The following NELL1 variants were observed in gnomAD, a reference collection of about 807,000 sequenced individuals.
NELL1 encodes protein kinase C-binding protein NELL1.
A neutral mutation model predicts 107.4 loss-of-function variants in NELL1; 76 were observed. The observed-to-expected ratio is 0.71, with a 90% confidence interval of 0.59 to 0.86. The LOEUF (loss-of-function observed/expected upper bound fraction) is 0.86. Among genes scored for constraint, NELL1 ranks in the 40% least tolerant of loss-of-function variants. NELL1 has a pLI of 0.00. For synonymous variants in NELL1, 353 were observed against 341.2 expected (o/e 1.03, Z -0.38); for missense variants, 1,024 against 1,005.5 (o/e 1.02, Z -0.25).
At chr11:21,151,286 T>C (rs562870600) in intron 13 of NELL1, among the ~76,000 whole-genome samples, 6 of 152,340 alleles carry the variant, frequency 3.9e-5, no homozygotes, top group Admixed American at 3.3e-4. Context: ...CATTTCTGCA[T>C]GTCTTTGGTT....
At chr11:21,441,278 T>A (rs1853275100) in intron 15 of NELL1, among the ~76,000 whole-genome samples, 1 of 151,962 alleles carries the variant, frequency 6.6e-6, no homozygotes, top group Non-Finnish European at 1.5e-5. Context: ...ATTTATAATA[T>A]TTTTTCAGGA....
chr11:21,127,926 C>A (rs757465762), intron 13 of NELL1, among the ~76,000 whole-genome samples: 1 of 152,060 alleles, frequency 6.6e-6, no homozygotes, highest in African/African-American at 2.4e-5. Flanking sequence ...ATCCAGTTGC[C>A]TCTCTGTCTT....
chr11:21,370,227 C>T (rs527925110), intron 14 of NELL1, among the ~76,000 whole-genome samples: 1 of 152,008 alleles, frequency 6.6e-6, no homozygotes, highest in South Asian at 2.1e-4. Context: ...AAATCCATAC[C>T]CTTGGGACCA....
At chr11:21,332,103 T>A (rs1850285210) in intron 14 of NELL1, among the ~76,000 whole-genome samples, 1 of 152,110 alleles carries the variant, frequency 6.6e-6, no homozygotes, top group African/African-American at 2.4e-5. Context: ...AACTGGACTC[T>A]CAGCTCTTAC....
chr11:21,283,763 G>A (rs1849048516), intron 14 of NELL1: 1 of 186,008 alleles, frequency 5.4e-6, no homozygotes, highest in Non-Finnish European at 1.1e-5. Context: ...CAATTGAATA[G>A]ATCTCAACTT....
chr11:21,471,186 CAT>C (rs796089830), intron 15 of NELL1, among the ~76,000 whole-genome samples: 6 of 152,008 alleles, frequency 3.9e-5, no homozygotes, highest in African/African-American at 1.4e-4. Flanking sequence ...ATACATGAAT[CAT>C]ATTGTTTTCC....
chr11:21,398,967 G>T (rs1383014565), intron 15 of NELL1, among the ~76,000 whole-genome samples: 2 of 151,488 alleles, frequency 1.3e-5, no homozygotes, highest in Non-Finnish European at 2.9e-5. Context: ...GGCAGTTAGT[G>T]ACAGTACTCA....
intron 14 of NELL1, among the ~76,000 whole-genome samples, chr11:21,359,500 G>A (rs1851022774): frequency 6.6e-6 from 1 of 152,116 alleles, no homozygotes; most frequent in Non-Finnish European, 1.5e-5. Context: ...TTTGGAATTA[G>A]GGTAATACTG....
intron 2 of NELL1, among the ~76,000 whole-genome samples, chr11:20,752,643 A>T (rs752376415): frequency 4.6e-5 from 7 of 152,220 alleles, no homozygotes; most frequent in Non-Finnish European, 8.8e-5. Context: ...CACCAACTCT[A>T]GTTCAAGTCA....
intron 13 of NELL1, among the ~76,000 whole-genome samples, chr11:21,217,094 T>A (rs189997397): frequency 1.3e-5 from 2 of 152,234 alleles, no homozygotes; most frequent in East Asian, 3.9e-4. Context: ...TCCCACGAGA[T>A]CTGATGGTTT....
intron 14 of NELL1, among the ~76,000 whole-genome samples, chr11:21,299,531 G>A (rs371172984): frequency 3.3e-5 from 3 of 89,982 alleles, no homozygotes; most frequent in Admixed American, 1.3e-4. Flanking sequence ...GTGTGTGTGT[G>A]TGTGTGTGTG....
chr11:20,785,140 AT>A (rs1856928912), intron 3 of NELL1, among the ~76,000 whole-genome samples: 1 of 152,168 alleles, frequency 6.6e-6, no homozygotes, highest in Non-Finnish European at 1.5e-5. Flanking sequence ...GAGAAATGCA[AT>A]TTTGGGAGTG....
intron 2 of NELL1, among the ~76,000 whole-genome samples, chr11:20,705,020 A>G (rs1431658101): frequency 6.6e-6 from 1 of 152,196 alleles, no homozygotes; most frequent in Non-Finnish European, 1.5e-5. Context: ...AGAGGATACA[A>G]ACAAATGGAA....
chr11:20,718,863 A>G (rs1855313702), intron 2 of NELL1, among the ~76,000 whole-genome samples: 1 of 152,154 alleles, frequency 6.6e-6, no homozygotes, highest in Admixed American at 6.5e-5. Flanking sequence ...CATTCCATAT[A>G]GGCTGGATTG....
intron 7 of NELL1, among the ~76,000 whole-genome samples, chr11:20,920,695 T>A (rs1231018996): frequency 6.6e-6 from 1 of 152,112 alleles, no homozygotes; most frequent in African/African-American, 2.4e-5. Context: ...CTCAGGTGAT[T>A]GTGGTTCTTC....
chr11:20,975,890 A>G lies in NELL1; in HGVS notation c.1300+15330A>G, dbSNP rs564372752. 3.9e-3 allele frequency among the ~76,000 whole-genome samples: 452 copies of G among 114,558 alleles called. 8 individuals are homozygous for G. Among genetic ancestry groups the G allele is most frequent in the African/African-American group, 0.015 (420 of 27,750 alleles). The allele number at this position is 114,558 out of a possible 152,430, so 75.2% of individuals were successfully genotyped here. The stretch of plus-strand genomic sequence containing the variant: ...TTATATATACACATACATGTGTATT[A>G]TATATACATATATGTGTATTATATA... On this transcript the variant is annotated intron_variant, in intron 12 of 19. Transcript: ENST00000357134.
chr11:21,230,987 A>G (rs1858034118), intron 14 of NELL1, among the ~76,000 whole-genome samples: 1 of 152,214 alleles, frequency 6.6e-6, no homozygotes, highest in Non-Finnish European at 1.5e-5. Flanking sequence ...AAAACTGGAA[A>G]CAACCAAAAT....
At chr11:21,401,096 A>G (rs769646224) in intron 15 of NELL1, among the ~76,000 whole-genome samples, 6 of 152,040 alleles carry the variant, frequency 3.9e-5, no homozygotes, top group Non-Finnish European at 7.4e-5. Flanking sequence ...TTGCTACTTT[A>G]AATTATACAA....
chr11:20,916,244 A>G (rs138208575), intron 5 of NELL1, among the ~76,000 whole-genome samples: 79 of 152,044 alleles, frequency 5.2e-4, no homozygotes, highest in African/African-American at 7.5e-4. Flanking sequence ...CTAATGATCT[A>G]TGTAACATAC....
Sources: gnomAD v4.1 joint callset for allele counts (sites outside exome capture counted in the v4.1 genomes callset) on GRCh38, gnomAD v4.1.1 for gene constraint, MANE v1.5 for transcripts, NCBI Gene and HGNC (gene_info 2026-07-23, HGNC 2026-07-21) for gene names.